PARP4: variants seen among roughly 807,000 people sequenced by gnomAD.
The protein encoded by PARP4 is protein mono-ADP-ribosyltransferase PARP4.
In PARP4, 120 loss-of-function variants were observed where a neutral mutation model predicts 187.7. The observed-to-expected ratio is 0.64, with a 90% CI of 0.55 to 0.74. The LOEUF is 0.74. Among genes scored for constraint, PARP4 ranks in the 30% least tolerant of loss-of-function variants. The probability of loss-of-function intolerance (pLI) is 0.00; values close to 1 mark genes in which losing one functional copy is unlikely to be tolerated. For missense variants in PARP4, 1,836 were observed against 2,070.5 expected (o/e 0.89, Z 2.20); for synonymous variants, 654 against 740.9 (o/e 0.88, Z 1.90).
rs771221654 is a variant in PARP4, at chr13:24,459,135, A to G, written c.2346-13T>C. The G allele has an allele frequency of 2.1e-5, 34 of 1,595,436 alleles. No individual in the cohort carries two copies. ...AGTCAAAGAGAAGCTAGCAAAAATG[A>G]AGAGAAAGTTGTCTTAGTCTACGAT... On this transcript the variant is annotated splice_polypyrimidine_tract_variant and intron_variant, in intron 19 of 33. Coordinates refer to ENST00000381989, the MANE Select transcript of PARP4 (RefSeq NM_006437.4).
intron 12 of PARP4, among the ~76,000 whole-genome samples, chr13:24,484,156 C>T (rs1287603939): frequency 9.9e-5 from 15 of 152,030 alleles, no homozygotes; most frequent in African/African-American, 3.6e-4. Context: ...TGTCACAATA[C>T]CAATTATGAG....
At chr13:24,456,204 T>C (rs918484709) in intron 21 of PARP4, 137 bp downstream of exon 21, 6 of 633,090 alleles carry the variant, frequency 9.5e-6, no homozygotes, top group African/African-American at 3.6e-5. Flanking sequence ...ATATTTTTAG[T>C]TGCAGAATCT....
intron 33 of PARP4, among the ~76,000 whole-genome samples, chr13:24,424,974 C>T (rs34254013): frequency 0.37 from 56,266 of 151,296 alleles, 10,541 homozygotes; most frequent in Middle Eastern, 0.39. Flanking sequence ...TGAGCCACCG[C>T]GCCCGGCCAG....
At chr13:24,427,755 T>C (rs1369014508) in intron 32 of PARP4, among the ~76,000 whole-genome samples, 1 of 152,146 alleles carries the variant, frequency 6.6e-6, no homozygotes, top group Non-Finnish European at 1.5e-5. Flanking sequence ...AGGAATTGAA[T>C]ACATTTTTAA....
intron 12 of PARP4, among the ~76,000 whole-genome samples, chr13:24,483,770 G>A (rs1051274179): frequency 1.2e-4 from 18 of 152,036 alleles, no homozygotes; most frequent in African/African-American, 4.3e-4. Flanking sequence ...GGGACTACAG[G>A]TGCACACCAC....
chr13:24,433,754 A>T (rs111750142), intron 31 of PARP4, among the ~76,000 whole-genome samples: 8 of 888 alleles, frequency 9.0e-3, no homozygotes, highest in Non-Finnish European at 0.042. Flanking sequence ...GACTTGCCCC[A>T]AATCACAAAG....
At chr13:24,461,999 C>T (rs954929966) in intron 17 of PARP4, among the ~76,000 whole-genome samples, 1 of 152,128 alleles carries the variant, frequency 6.6e-6, no homozygotes, top group Admixed American at 6.5e-5. Flanking sequence ...AACCATCTCC[C>T]AAACAACTCT....
intron 12 of PARP4, among the ~76,000 whole-genome samples, chr13:24,484,089 C>T (rs2137520318): frequency 6.6e-6 from 1 of 152,328 alleles, no homozygotes; most frequent in Non-Finnish European, 1.5e-5. Context: ...TTAATTAGCT[C>T]TGCAACCTTA....
At chr13:24,500,190 G>A in intron 4 of PARP4, 126 bp downstream of exon 4, 1 of 461,474 alleles carries the variant, frequency 2.2e-6, no homozygotes. Context: ...AATCACTTGA[G>A]TTAGATATGC....
At chr13:24,450,638 A>G (rs1011819528) in intron 24 of PARP4, among the ~76,000 whole-genome samples, 1 of 152,210 alleles carries the variant, frequency 6.6e-6, no homozygotes, top group African/African-American at 2.4e-5. Context: ...ACTCACGCCA[A>G]GGAGGAGGGC....
At chr13:24,504,698 G>T (rs1365674857) in intron 1 of PARP4, among the ~76,000 whole-genome samples, 1 of 150,038 alleles carries the variant, frequency 6.7e-6, no homozygotes, top group Non-Finnish European at 1.5e-5. Context: ...TTTCCATTTT[G>T]TAAAATTTTT....
At chr13:24,493,903 T>C (rs1198086991) in intron 7 of PARP4, among the ~76,000 whole-genome samples, 170 bp from the exon 8 acceptor site, 1 of 152,160 alleles carries the variant, frequency 6.6e-6, no homozygotes, top group Non-Finnish European at 1.5e-5. Context: ...TCCCTCTGTC[T>C]TCCTCCATTC....
At chr13:24,505,852 G>T (rs1418166708) in intron 1 of PARP4, among the ~76,000 whole-genome samples, 1 of 152,222 alleles carries the variant, frequency 6.6e-6, no homozygotes, top group East Asian at 1.9e-4. Context: ...TTTGAGGATC[G>T]CGGTTCCGGG....
chr13:24,449,641 A>G (rs1201189529), intron 25 of PARP4, 77 bp downstream of exon 25: 1 of 840,988 alleles, frequency 1.2e-6, no homozygotes, highest in East Asian at 2.6e-5. Context: ...GGAAACACAG[A>G]TATTCCTATT....
At chr13:24,431,230 T>G (rs1393495769) in intron 32 of PARP4, 147 bp downstream of exon 32, 3 of 533,058 alleles carry the variant, frequency 5.6e-6, no homozygotes, top group Non-Finnish European at 9.8e-6. Context: ...CCCATTTCCT[T>G]TAATGGTTAA....
intron 17 of PARP4, among the ~76,000 whole-genome samples, chr13:24,466,796 C>CAAAAAAAAAAAAA (rs34197201): frequency 3.3e-5 from 3 of 90,836 alleles, no homozygotes; most frequent in Non-Finnish European, 2.1e-5. Flanking sequence ...GACTCTGTCT[C>CAAAAAAAAAAAAA]AAAAAAAAAA....
intron 14 of PARP4, among the ~76,000 whole-genome samples, chr13:24,476,249 G>A (rs1166106039): frequency 6.6e-6 from 1 of 151,832 alleles, no homozygotes; most frequent in Non-Finnish European, 1.5e-5. Flanking sequence ...GAGTAGCTGC[G>A]ACTACAGACA....
In PARP4 at chr13:24,439,811, C is replaced by T. The variant is rs988552595; in HGVS notation, c.3666+2035G>A. ...CCCAAAACAATGCACTCCAAGGGCC[C>T]CTGTGCAGTCAGAGAGAGGCCACAG... On this transcript the variant is annotated intron_variant, in intron 30 of 33. Coordinates refer to ENST00000381989, the MANE Select transcript of PARP4 (RefSeq NM_006437.4). Among the ~76,000 whole-genome samples, 24 of 152,138 alleles carry T rather than the reference C, an allele frequency of 1.6e-4. 1 individual carries two copies. The highest frequency in any genetic ancestry group is 2.1e-4 in the South Asian group (1 of 4,828).
intron 28 of PARP4, among the ~76,000 whole-genome samples, chr13:24,443,145 C>T (rs971244704): frequency 2.0e-5 from 3 of 146,630 alleles, no homozygotes; most frequent in Admixed American, 6.8e-5. Context: ...TGAGGACTAA[C>T]GTTCACAGCC....
Sources: allele counts gnomAD v4.1 joint callset (sites outside exome capture counted in the v4.1 genomes callset), GRCh38; gene constraint gnomAD v4.1.1; transcripts MANE v1.5; gene names NCBI Gene and HGNC (gene_info 2026-07-23, HGNC 2026-07-21).